Variants in POGLUT2 observed in about 807,000 individuals in gnomAD.
POGLUT2 encodes ER protein 58.
In POGLUT2, 47 loss-of-function variants were observed where a neutral mutation model predicts 57.6. The observed-to-expected ratio is 0.82, with a 90% CI of 0.65 to 1.04. The LOEUF (loss-of-function observed/expected upper bound fraction) is 1.04. POGLUT2 is among the 50% of genes least tolerant of loss of function. POGLUT2 has a pLI of 0.00. For missense variants in POGLUT2, 565 were observed against 614.8 expected, an observed-to-expected ratio of 0.92 and a Z score of 0.86; for synonymous variants, 200 against 218.8, an observed-to-expected ratio of 0.91 and a Z score of 0.76.
At chr13:102,791,229 C>T (rs748094269) in intron 5 of POGLUT2, 29 bp downstream of exon 5, 10 of 1,603,322 alleles carry the variant, frequency 6.2e-6, no homozygotes, top group Non-Finnish European at 8.5e-6. Context: ...AAAACCAAGG[C>T]TCTGGGCCAA....
chr13:102,796,310 AAAT>A (rs1182524789), intron 2 of POGLUT2, among the ~76,000 whole-genome samples: 2 of 116,052 alleles, frequency 1.7e-5, no homozygotes, highest in African/African-American at 6.5e-5. Context: ...AAAAAAAAAA[AAAT>A]AAATAAATAA....
rs751047311 is a variant in POGLUT2 at position 102,793,762 on chromosome 13, C to A, written c.433G>T (p.Ala145Ser). ...ENCDCPLQDS[A>S]AWLREMNCPE... ...CAGTTCATCTCCCGTAGCCAGGCTG[C>A]ACTATCTTGCAGAGGACAGTCACAG... The change falls in exon 3 of 10, where the codon GCA (alanine) becomes TCA (serine). Residue 145 changes from alanine (A) to serine (S), a missense_variant. Ala to Ser is a moderately conservative substitution (Grantham distance 99). Coordinates refer to ENST00000376004, the MANE Select transcript of POGLUT2 (RefSeq NM_024089.3). 6.2e-7 allele frequency: 1 copy of A among 1,614,212 alleles called. No individual in the cohort carries two copies. Among genetic ancestry groups the A allele is most frequent in the Non-Finnish European group, 8.5e-7 (1 of 1,180,048 alleles).
chr13:102,798,563 T>C lies in POGLUT2; in HGVS notation c.108A>G (p.Gly36=). 1 of 1,613,074 alleles carries C rather than the reference T, an allele frequency of 6.2e-7. No homozygotes were observed. Among genetic ancestry groups the C allele is most frequent in the Non-Finnish European group, 8.5e-7 (1 of 1,179,524 alleles). The part of the protein sequence containing the change: ...QLSPEKSEIW[G]PGLKADVVLP... ...GGACGACGTCTGCTTTTAGCCCGGG[T>C]CCCCATATTTCGCTCTTCTCCGGGC... The change falls in exon 1 of 10, where the codon GGA becomes GGG. Residue 36 remains glycine, a synonymous_variant. Coordinates refer to ENST00000376004, the MANE Select transcript of POGLUT2 (RefSeq NM_024089.3).
chr13:102,788,053 A>T, intron 7 of POGLUT2, 130 bp from the exon 8 acceptor site: 2 of 530,916 alleles, frequency 3.8e-6, no homozygotes, highest in Admixed American at 3.3e-5. Flanking sequence ...GGGTAGTCTC[A>T]TGGTAAAACA....
chr13:102,791,375 T>A lies in POGLUT2; in HGVS notation c.728A>T (p.Lys243Ile). The A allele has an allele frequency of 6.2e-7, 1 of 1,611,804 alleles. No individual in the cohort carries two copies. Among genetic ancestry groups the A allele is most frequent in the Non-Finnish European group, 8.5e-7 (1 of 1,179,536 alleles). ...FVNLGDWPLE[K>I]KKSNSNIHPI... Reference sequence around the variant, plus strand: ...ATGGATGTTTGAATTGGATTTCTTTTTTTCCAAAGGCCAGTCTCCCAAATT... The same window carrying A: ...ATGGATGTTTGAATTGGATTTCTTTATTTCCAAAGGCCAGTCTCCCAAATT... The change falls in exon 5 of 10, where the codon AAA becomes ATA. Residue 243 changes from lysine to isoleucine, a missense_variant. Lys to Ile is a moderately radical substitution (Grantham distance 102, BLOSUM62 -3). Transcript: ENST00000376004.
chr13:102,786,480 A>C, intron 8 of POGLUT2, 141 bp from the exon 9 acceptor site: 1 of 611,580 alleles, frequency 1.6e-6, no homozygotes, highest in Non-Finnish European at 2.9e-6. Context: ...CATATATACC[A>C]GTTCTGAACA....
chr13:102,794,774 G>T (rs1878309546), intron 2 of POGLUT2, among the ~76,000 whole-genome samples: 1 of 151,968 alleles, frequency 6.6e-6, no homozygotes, highest in Non-Finnish European at 1.5e-5. Flanking sequence ...CTGGTAAAAG[G>T]GTATCAGAGG....
At chr13:102,789,637 A>G (rs1053687741) in intron 6 of POGLUT2, among the ~76,000 whole-genome samples, 1 of 152,178 alleles carries the variant, frequency 6.6e-6, no homozygotes, top group African/African-American at 2.4e-5. Flanking sequence ...TTGCTCTGTC[A>G]CTCAGGCTGG....
At chr13:102,785,983 T>C (rs1449552787) in intron 9 of POGLUT2, among the ~76,000 whole-genome samples, 3 of 152,182 alleles carry the variant, frequency 2.0e-5, no homozygotes, top group Non-Finnish European at 2.9e-5. Context: ...AGCTGGATTC[T>C]CACATTATAA....
rs756760079 is a variant in POGLUT2, at chr13:102,793,852, A to G, written c.389-46T>C. 10 of 1,513,488 alleles carry G rather than the reference A, an allele frequency of 6.6e-6. No individual in the cohort carries two copies. In the African/African-American group the frequency reaches 1.2e-4, roughly 19 times the overall value. The allele number at this position is 1,513,488 out of a possible 1,614,324, so 93.8% of individuals were successfully genotyped here. On this transcript the variant is annotated intron_variant, in intron 2 of 9. Coordinates refer to ENST00000376004, the MANE Select transcript of POGLUT2 (RefSeq NM_024089.3). ...AAGTACAACAGTGATCATTTCACTCAGCATTCGAAACTTGTAATAAACATC... is the reference window on the plus strand; with the variant it reads ...AAGTACAACAGTGATCATTTCACTCGGCATTCGAAACTTGTAATAAACATC...
At chr13:102,793,869 A>G in intron 2 of POGLUT2, 63 bp from the exon 3 acceptor site, 2 of 1,352,596 alleles carry the variant, frequency 1.5e-6, no homozygotes, top group Non-Finnish European at 2.1e-6. Flanking sequence ...GAAACTTGTA[A>G]TAAACATCTA....
At chr13:102,791,667 C>T (rs781219896) in intron 4 of POGLUT2, among the ~76,000 whole-genome samples, 16 of 152,082 alleles carry the variant, frequency 1.1e-4, no homozygotes, top group Non-Finnish European at 1.8e-4. Context: ...TCTAATACTG[C>T]GAACAGCCTC....
In POGLUT2 at chr13:102,786,224, C is replaced by T. The variant is rs375579143; in HGVS notation, c.1491+8G>A. 1.5e-5 allele frequency: 23 copies of T among 1,578,376 alleles called. No individual in the cohort carries two copies. The highest frequency in any genetic ancestry group is 2.7e-5 in the African/African-American group (2 of 74,170). On this transcript the variant is annotated splice_region_variant and intron_variant, in intron 9 of 9. Transcript: ENST00000376004. ...TCTGACACCGGCCATAAGCTCAGTTCTGGTTACCTTTTTCCTATGGCAAGT... is the reference window on the plus strand; with the variant it reads ...TCTGACACCGGCCATAAGCTCAGTTTTGGTTACCTTTTTCCTATGGCAAGT...
At chr13:102,791,494 C>A (rs1192528036) in intron 4 of POGLUT2, 64 bp from the exon 5 acceptor site, 3 of 1,420,932 alleles carry the variant, frequency 2.1e-6, no homozygotes, top group Non-Finnish European at 1.9e-6. Flanking sequence ...TTGTATTTAT[C>A]AATTTAAATT....
chr13:102,789,314 C>T, intron 6 of POGLUT2, 93 bp from the exon 7 acceptor site: 2 of 1,066,550 alleles, frequency 1.9e-6, no homozygotes, highest in Non-Finnish European at 2.8e-6. Flanking sequence ...CCTTTGCAAT[C>T]CTCAGACACA....
intron 1 of POGLUT2, among the ~76,000 whole-genome samples, chr13:102,797,565 A>AAAT (rs199683083): frequency 1.9e-4 from 25 of 132,580 alleles, no homozygotes; most frequent in African/African-American, 5.7e-4. Flanking sequence ...CTGTCTCTAC[A>AAAT]AATAATAATA....
chr13:102,786,160 T>C (rs556296935), intron 9 of POGLUT2, 72 bp downstream of exon 9: 18 of 956,912 alleles, frequency 1.9e-5, no homozygotes, highest in Non-Finnish European at 2.7e-5. Context: ...TGAATGACTA[T>C]AGGAATAAAA....
chr13:102,796,293 C>CAAAAA lies in POGLUT2; in HGVS notation c.388+506_388+510dup, dbSNP rs151064207. ...CTTGTGACAGAGCGAGACTCTGCCT[C>CAAAAA]AAAAAAAAAAAAAAAAAAATAAATA... On this transcript the variant is annotated intron_variant, in intron 2 of 9. Coordinates refer to ENST00000376004, the MANE Select transcript of POGLUT2 (RefSeq NM_024089.3). Among the ~76,000 whole-genome samples the CAAAAA allele has an allele frequency of 6.8e-3, 681 of 100,422 alleles. 1 individual carries two copies. Among genetic ancestry groups the CAAAAA allele is most frequent in the African/African-American group, 0.024 (640 of 26,702 alleles). The allele number at this position is 100,422 out of a possible 152,430, so 65.9% of individuals were successfully genotyped here. A position where few individuals can be genotyped will look rare whatever the true frequency, so the allele number is the denominator to read the frequency against.
Position 102,791,110 on chromosome 13 carries a change from C to T in POGLUT2, c.874G>A (p.Ala292Thr). ...RVSLDMMSVQ[A>T]NTGPPWESKN... is the part of the protein sequence containing the mutation. ...CTTTCCCAGGGAGGACCCGTGTTAG[C>T]TTGCACGGACATCATATCCAGACTT... The change falls in exon 6 of 10, where the codon GCT (alanine) becomes ACT (threonine). Residue 292 changes from alanine to threonine, a missense_variant. Transcript: ENST00000376004. 1.2e-6 allele frequency: 2 copies of T among 1,614,154 alleles called. No individual in the cohort carries two copies. The highest frequency in any genetic ancestry group is 8.5e-7 in the Non-Finnish European group (1 of 1,179,998).
Sources: allele counts gnomAD v4.1 joint callset (sites outside exome capture counted in the v4.1 genomes callset), GRCh38; gene constraint gnomAD v4.1.1; transcripts MANE v1.5; gene names NCBI Gene and HGNC (gene_info 2026-07-23, HGNC 2026-07-21).